PKIB: variants seen among roughly 807,000 people sequenced by gnomAD.
PKIB encodes PKI-beta.
Under a neutral mutation model 4.5 loss-of-function variants are expected in PKIB, and 2 were observed. The observed-to-expected ratio is 0.44, with a 90% CI of 0.18 to 1.39. PKIB has a LOEUF of 1.39. PKIB is among the 40% of genes most tolerant of loss of function. The pLI, the probability that PKIB is intolerant of heterozygous loss-of-function variation, is 0.27. For missense variants in PKIB, 94 were observed against 92.6 expected, an observed-to-expected ratio of 1.02 and a Z score of -0.06; for synonymous variants, 38 against 36.0, an observed-to-expected ratio of 1.06 and a Z score of -0.20.
intron 2 of PKIB, among the ~76,000 whole-genome samples, chr6:122,542,888 T>G (rs559962564): frequency 6.6e-6 from 1 of 152,232 alleles, no homozygotes; most frequent in South Asian, 2.1e-4. Context: ...TCCTGGCTGC[T>G]TTGTTTACCT....
At chr6:122,497,685 TA>T (rs1433028498) in intron 2 of PKIB, among the ~76,000 whole-genome samples, 1 of 152,168 alleles carries the variant, frequency 6.6e-6, no homozygotes, top group African/African-American at 2.4e-5. Context: ...AATATATACA[TA>T]ATCAACAATG....
chr6:122,522,057 CT>C (rs1776961055), intron 2 of PKIB, among the ~76,000 whole-genome samples: 1 of 152,004 alleles, frequency 6.6e-6, no homozygotes, highest in Admixed American at 6.6e-5. Context: ...CCATTTCAAA[CT>C]CAAACAAAAA....
chr6:122,646,111 T>C (rs776508222), intron 2 of PKIB, among the ~76,000 whole-genome samples: 8 of 152,144 alleles, frequency 5.3e-5, no homozygotes, highest in Non-Finnish European at 8.8e-5. Flanking sequence ...GATTTATCCT[T>C]AGGAAGAGGT....
At chr6:122,584,002 C>G (rs918555346) in intron 2 of PKIB, among the ~76,000 whole-genome samples, 5 of 152,000 alleles carry the variant, frequency 3.3e-5, no homozygotes, top group Non-Finnish European at 7.4e-5. Flanking sequence ...GAGGGAAAGT[C>G]TTATCTATTT....
chr6:122,495,915 A>C (rs1776065558), intron 2 of PKIB, among the ~76,000 whole-genome samples: 1 of 152,092 alleles, frequency 6.6e-6, no homozygotes, highest in Non-Finnish European at 1.5e-5. Context: ...TCTCCCCCAC[A>C]TGGAGACTCA....
At chr6:122,486,328 GAAT>G (rs1023504291) in intron 2 of PKIB, among the ~76,000 whole-genome samples, 1 of 151,978 alleles carries the variant, frequency 6.6e-6, no homozygotes, top group Admixed American at 6.6e-5. Context: ...CTTTCTTTCA[GAAT>G]AATAAGTATG....
intron 2 of PKIB, among the ~76,000 whole-genome samples, chr6:122,650,943 G>T (rs1429947439): frequency 6.6e-6 from 1 of 152,132 alleles, no homozygotes; most frequent in East Asian, 1.9e-4. Context: ...TTCAGCCAAC[G>T]AACCAAACTG....
At chr6:122,690,399 G>T (rs1778281502) in intron 3 of PKIB, among the ~76,000 whole-genome samples, 3 of 151,408 alleles carry the variant, frequency 2.0e-5, no homozygotes, top group Admixed American at 6.6e-5. Flanking sequence ...CTATTTTTTT[G>T]TGTATTTGTT....
At chr6:122,672,155 T>A (rs1339724205) in intron 2 of PKIB, among the ~76,000 whole-genome samples, 1 of 152,140 alleles carries the variant, frequency 6.6e-6, no homozygotes, top group Non-Finnish European at 1.5e-5. Context: ...TCCAGCCTGG[T>A]AGCCTCATCT....
chr6:122,510,393 G>A (rs1240412193), intron 2 of PKIB, among the ~76,000 whole-genome samples: 1 of 152,158 alleles, frequency 6.6e-6, no homozygotes, highest in African/African-American at 2.4e-5. Flanking sequence ...AACATACCCT[G>A]AGGCAAAACT....
At chr6:122,524,338 T>C (rs1461781652) in intron 2 of PKIB, among the ~76,000 whole-genome samples, 1 of 146,018 alleles carries the variant, frequency 6.8e-6, no homozygotes, top group Non-Finnish European at 1.5e-5. Context: ...TCCTCCTTCT[T>C]CTTCTTCCTC....
At chr6:122,474,750 A>G (rs1238708056) in intron 1 of PKIB, among the ~76,000 whole-genome samples, 1 of 152,254 alleles carries the variant, frequency 6.6e-6, no homozygotes, top group Admixed American at 6.5e-5. Flanking sequence ...GTGGAGTACT[A>G]TAGACAGGCT....
chr6:122,523,403 G>C (rs185715517), intron 2 of PKIB, among the ~76,000 whole-genome samples: 1 of 152,284 alleles, frequency 6.6e-6, no homozygotes, highest in African/African-American at 2.4e-5. Context: ...TTGAATTCTA[G>C]TTCCCATAAT....
At chr6:122,472,035 G>C in exon 1 of PKIB, 1 of 555,200 alleles carries the variant, frequency 1.8e-6, no homozygotes, top group South Asian at 2.5e-5. Context: ...GCCAAATTAA[G>C]AAAACGGTGT....
At chr6:122,721,657 TA>T (rs1779749748) in intron 4 of PKIB, among the ~76,000 whole-genome samples, 1 of 152,038 alleles carries the variant, frequency 6.6e-6, no homozygotes, top group Admixed American at 6.6e-5. Flanking sequence ...ATAGGAAATG[TA>T]AAAAAATAGA....
intron 2 of PKIB, among the ~76,000 whole-genome samples, chr6:122,576,557 A>G (rs1269392388): frequency 6.7e-6 from 1 of 149,250 alleles, no homozygotes; most frequent in Non-Finnish European, 1.5e-5. Flanking sequence ...AGTCCCAGCT[A>G]ATCGGGAGGC....
intron 2 of PKIB, among the ~76,000 whole-genome samples, chr6:122,562,647 A>T (rs1448542995): frequency 1.3e-5 from 2 of 152,208 alleles, no homozygotes; most frequent in Non-Finnish European, 2.9e-5. Context: ...GACTTTGTTC[A>T]TATTTTCTTA....
intron 3 of PKIB, among the ~76,000 whole-genome samples, chr6:122,703,155 C>T (rs1014625793): frequency 1.3e-5 from 2 of 152,064 alleles, no homozygotes; most frequent in East Asian, 3.9e-4. Context: ...TTTAATGCAT[C>T]GTGTATAATG....
chr6:122,510,901 G>A (rs9482249), intron 2 of PKIB, among the ~76,000 whole-genome samples: 18,991 of 152,074 alleles, frequency 0.12, 1,326 homozygotes, highest in East Asian at 0.21. Context: ...GAGTCATGGC[G>A]AGCCAAGTCT....
Sources: allele counts gnomAD v4.1 joint callset (sites outside exome capture counted in the v4.1 genomes callset), GRCh38; gene constraint gnomAD v4.1.1; transcripts MANE v1.5; gene names NCBI Gene and HGNC (gene_info 2026-07-23, HGNC 2026-07-21).